AUH: variants seen among roughly 807,000 people sequenced by gnomAD.
The protein encoded by AUH is AU RNA binding methylglutaconyl-CoA hydratase.
A neutral mutation model predicts 42.3 loss-of-function variants in AUH; 29 were observed. The observed-to-expected ratio is 0.69, with a 90% CI of 0.51 to 0.93. AUH has a LOEUF of 0.93. Ranked by LOEUF, AUH falls within the 40% of genes least tolerant of loss-of-function variation. The pLI, the probability that AUH is intolerant of heterozygous loss-of-function variation, is 0.00. For synonymous variants in AUH, 174 were observed against 166.4 expected, an observed-to-expected ratio of 1.05 and a Z score of -0.35; for missense variants, 452 against 438.1, an observed-to-expected ratio of 1.03 and a Z score of -0.28.
rs1377146491 is a variant in AUH, at chr9:91,361,802, G to A, written c.88C>T (p.Leu30Phe). The stretch of plus-strand genomic sequence containing the variant: ...CCGGGCAGCCTCAACCCCGGGCAGA[G>A]CCACGCACTGCAAGCGGCCACCAGG... ...ARLVAACSAW[L>F]CPGLRLPGSL... The change falls in exon 1 of 10, where the codon CTC becomes TTC. Residue 30 changes from leucine (L) to phenylalanine (F), a missense_variant. Transcript: ENST00000375731. The A allele has an allele frequency of 2.6e-6, 4 of 1,526,288 alleles. No homozygotes were observed. The highest frequency in any genetic ancestry group is 2.0e-5 in the Admixed American group (1 of 48,930). 94.5% of individuals were successfully genotyped at this position (1,526,288 alleles called of 1,614,324 possible).
At chr9:91,334,228 A>C (rs1377227057) in intron 3 of AUH, among the ~76,000 whole-genome samples, 2 of 152,126 alleles carry the variant, frequency 1.3e-5, no homozygotes, top group Non-Finnish European at 2.9e-5. Flanking sequence ...GACTCACTTT[A>C]TGTGTCTACT....
intron 6 of AUH, among the ~76,000 whole-genome samples, chr9:91,252,667 TAGAC>T (rs1366545862): frequency 6.6e-6 from 1 of 152,110 alleles, no homozygotes; most frequent in Non-Finnish European, 1.5e-5. Flanking sequence ...ATATTAGAAA[TAGAC>T]AGCAAAAGAA....
intron 9 of AUH, among the ~76,000 whole-genome samples, chr9:91,215,403 T>C (rs1451495262): frequency 6.6e-6 from 1 of 152,136 alleles, no homozygotes; most frequent in Non-Finnish European, 1.5e-5. Context: ...ATACTTTAAA[T>C]CATCTCTAGA....
intron 6 of AUH, among the ~76,000 whole-genome samples, chr9:91,224,232 C>T (rs992691483): frequency 7.9e-5 from 12 of 152,180 alleles, no homozygotes; most frequent in Non-Finnish European, 2.9e-5. Context: ...TTTTCATGTG[C>T]TTATTGGCCA....
chr9:91,264,452 G>T (rs1323274182), intron 6 of AUH, among the ~76,000 whole-genome samples: 2 of 152,108 alleles, frequency 1.3e-5, no homozygotes, highest in Non-Finnish European at 2.9e-5. Flanking sequence ...TTGTACTCCT[G>T]TTCCAATTTG....
chr9:91,337,022 C>T (rs912325733), intron 3 of AUH, among the ~76,000 whole-genome samples: 1 of 152,174 alleles, frequency 6.6e-6, no homozygotes, highest in Non-Finnish European at 1.5e-5. Flanking sequence ...GCCTTCAACA[C>T]ATCATTTACA....
intron 4 of AUH, among the ~76,000 whole-genome samples, chr9:91,309,718 T>G (rs1168228708): frequency 6.6e-6 from 1 of 152,094 alleles, no homozygotes; most frequent in Non-Finnish European, 1.5e-5. Flanking sequence ...CATACAACAT[T>G]CACTATTTGG....
rs560670716 is a variant in AUH, at chr9:91,237,777, G to A, written c.656-16785C>T. Among the ~76,000 whole-genome samples the A allele has an allele frequency of 3.3e-5, 5 of 152,286 alleles. No individual in the cohort carries two copies. The East Asian group carries it at 9.6e-4, about 29-fold the overall frequency. Reference sequence around the variant, plus strand: ...TTCCTGTTACCTGGTATCACAAAATGTTCCAAGCTCATCTTGTACCTTTCC... The same window carrying A: ...TTCCTGTTACCTGGTATCACAAAATATTCCAAGCTCATCTTGTACCTTTCC... On this transcript the variant is annotated intron_variant, in intron 6 of 9. Coordinates refer to ENST00000375731, the MANE Select transcript of AUH (RefSeq NM_001698.3).
intron 6 of AUH, among the ~76,000 whole-genome samples, chr9:91,233,761 C>A (rs1414610490): frequency 6.6e-6 from 1 of 152,172 alleles, no homozygotes; most frequent in Non-Finnish European, 1.5e-5. Context: ...GTTGAACAGA[C>A]ATCCTTGCAG....
chr9:91,287,198 G>A (rs990087872), intron 6 of AUH, among the ~76,000 whole-genome samples: 1 of 152,042 alleles, frequency 6.6e-6, no homozygotes, highest in Non-Finnish European at 1.5e-5. Context: ...GCCCTGAGAA[G>A]AACACAAATT....
intron 6 of AUH, among the ~76,000 whole-genome samples, chr9:91,238,494 G>A (rs1828316384): frequency 6.6e-6 from 1 of 152,166 alleles, no homozygotes; most frequent in African/African-American, 2.4e-5. Context: ...GAATAAAACT[G>A]GGACTCTCTC....
chr9:91,269,861 G>A (rs1824974639), intron 6 of AUH, among the ~76,000 whole-genome samples: 1 of 152,042 alleles, frequency 6.6e-6, no homozygotes. Context: ...AAAAAACATT[G>A]CCAAATCCCT....
intron 6 of AUH, among the ~76,000 whole-genome samples, chr9:91,285,629 T>G (rs1049379513): frequency 4.6e-5 from 7 of 152,086 alleles, no homozygotes; most frequent in African/African-American, 4.8e-5. Context: ...AGGTGATCAA[T>G]TCCAAGGGAG....
chr9:91,342,520 A>G (rs1831184849), intron 3 of AUH, among the ~76,000 whole-genome samples: 1 of 152,168 alleles, frequency 6.6e-6, no homozygotes, highest in Non-Finnish European at 1.5e-5. Context: ...TGATCCATTA[A>G]CTTTTTTAAG....
At chr9:91,287,767 A>T (rs1826531775) in intron 6 of AUH, among the ~76,000 whole-genome samples, 1 of 152,146 alleles carries the variant, frequency 6.6e-6, no homozygotes, top group Non-Finnish European at 1.5e-5. Flanking sequence ...ACAACTGGAG[A>T]AATCCAATTA....
At chr9:91,284,602 CAAAT>C (rs1444177474) in intron 6 of AUH, among the ~76,000 whole-genome samples, 5 of 152,018 alleles carry the variant, frequency 3.3e-5, no homozygotes, top group Non-Finnish European at 7.4e-5. Flanking sequence ...ACAATGAACT[CAAAT>C]AAACTTACGA....
chr9:91,269,258 C>G (rs150044218), intron 6 of AUH, among the ~76,000 whole-genome samples: 1 of 152,218 alleles, frequency 6.6e-6, no homozygotes, highest in Admixed American at 6.5e-5. Context: ...GCATTATAGG[C>G]GTGAGCCACC....
intron 4 of AUH, among the ~76,000 whole-genome samples, chr9:91,307,272 A>T (rs1289046152): frequency 1.3e-5 from 2 of 152,310 alleles, no homozygotes; most frequent in Middle Eastern, 3.4e-3. Flanking sequence ...GAATTATATG[A>T]TCTAATTGAT....
chr9:91,258,450 G>T (rs934844009), intron 6 of AUH, among the ~76,000 whole-genome samples: 6 of 152,144 alleles, frequency 3.9e-5, no homozygotes, highest in Non-Finnish European at 7.4e-5. Context: ...GGTCAGGCTG[G>T]TCTCAAACTC....
Sources: gnomAD v4.1 joint callset for allele counts (sites outside exome capture counted in the v4.1 genomes callset) on GRCh38, gnomAD v4.1.1 for gene constraint, MANE v1.5 for transcripts, NCBI Gene and HGNC (gene_info 2026-07-23, HGNC 2026-07-21) for gene names.